Variants in SEM1 observed in about 807,000 individuals in gnomAD.
SEM1 encodes 26S proteasome complex subunit SEM1.
In SEM1, 3 loss-of-function variants were observed where a neutral mutation model predicts 12.7. The observed-to-expected ratio is 0.24, with a 90% confidence interval of 0.11 to 0.61. The LOEUF (loss-of-function observed/expected upper bound fraction) is 0.61. SEM1 is among the 20% of genes least tolerant of loss of function. The pLI is 0.88. For synonymous variants in SEM1, 30 were observed against 27.8 expected (o/e 1.08, Z -0.25); for missense variants, 59 against 81.3 (o/e 0.73, Z 1.06).
chr7:96,652,944 G>A (rs1584835810), intron 2 of SEM1, among the ~76,000 whole-genome samples: 1 of 152,174 alleles, frequency 6.6e-6, no homozygotes, highest in African/African-American at 2.4e-5. Flanking sequence ...ACAGCACCAT[G>A]GTTTTGGAGA....
intron 2 of SEM1, among the ~76,000 whole-genome samples, chr7:96,693,739 C>T (rs890402323): frequency 1.4e-5 from 2 of 146,594 alleles, no homozygotes; most frequent in African/African-American, 5.0e-5. Context: ...ATAGAATTAA[C>T]GTATGACCCA....
intron 2 of SEM1, among the ~76,000 whole-genome samples, chr7:96,675,088 C>G (rs1288487879): frequency 6.6e-6 from 1 of 151,802 alleles, no homozygotes; most frequent in African/African-American, 2.4e-5. Context: ...ATCCTGAACC[C>G]CACCCCACCC....
chr7:96,531,419 AAAAAAACAAC>A (rs1804637111), intron 2 of SEM1, among the ~76,000 whole-genome samples: 1 of 147,238 alleles, frequency 6.8e-6, no homozygotes, highest in Non-Finnish European at 1.5e-5. Flanking sequence ...AAATATAAAA[AAAAAAACAAC>A]AAAAAAAAAC....
intron 2 of SEM1, among the ~76,000 whole-genome samples, chr7:96,510,742 T>C (rs1803911466): frequency 6.6e-6 from 1 of 152,162 alleles, no homozygotes. Flanking sequence ...GCTTTTGAAG[T>C]TGATGCCTGA....
At chr7:96,526,505 G>C (rs1804468161) in intron 2 of SEM1, among the ~76,000 whole-genome samples, 1 of 152,034 alleles carries the variant, frequency 6.6e-6, no homozygotes, top group African/African-American at 2.4e-5. Context: ...AACTAAACCA[G>C]AAAGAAAAAG....
chr7:96,560,958 A>AT (rs1053261832), intron 2 of SEM1, among the ~76,000 whole-genome samples: 1 of 151,856 alleles, frequency 6.6e-6, no homozygotes, highest in African/African-American at 2.4e-5. Flanking sequence ...TTTAATTTTA[A>AT]TTTTTTAGAG....
exon 1 of SEM1, chr7:96,496,316 T>C (rs1023514046): frequency 6.6e-7 from 1 of 1,507,680 alleles, no homozygotes; most frequent in Non-Finnish European, 8.9e-7. Context: ...CAGAGCTGCA[T>C]AGCATCATCT....
At chr7:96,509,549 A>C (rs1803866721) in intron 2 of SEM1, among the ~76,000 whole-genome samples, 1 of 152,166 alleles carries the variant, frequency 6.6e-6, no homozygotes, top group Non-Finnish European at 1.5e-5. Flanking sequence ...CCTCATGTTC[A>C]AAATGCTAGA....
downstream of SEM1, among the ~76,000 whole-genome samples, chr7:96,668,948 C>T (rs1038934718): frequency 6.6e-6 from 1 of 152,120 alleles, no homozygotes; most frequent in Non-Finnish European, 1.5e-5. Flanking sequence ...AAGGCAGGGA[C>T]TGAAGTTATA....
intron 3 of SEM1, among the ~76,000 whole-genome samples, chr7:96,484,374 TC>T (rs900710361): frequency 3.3e-5 from 5 of 152,158 alleles, no homozygotes; most frequent in African/African-American, 1.2e-4. Context: ...CAAAGGCACA[TC>T]AAACTATGGC....
intron 2 of SEM1, among the ~76,000 whole-genome samples, chr7:96,667,701 G>T (rs934346419): frequency 6.6e-6 from 1 of 152,228 alleles, no homozygotes; most frequent in Non-Finnish European, 1.5e-5. Context: ...AAACCAAAAA[G>T]CCTGGATTCA....
chr7:96,628,362 T>C (rs1808139447), intron 2 of SEM1, among the ~76,000 whole-genome samples: 1 of 152,126 alleles, frequency 6.6e-6, no homozygotes, highest in Non-Finnish European at 1.5e-5. Context: ...TTTTTTCCTC[T>C]GGTGATATAA....
At chr7:96,704,072 C>T (rs958754350) in intron 1 of SEM1, among the ~76,000 whole-genome samples, 1 of 151,386 alleles carries the variant, frequency 6.6e-6, no homozygotes, top group Non-Finnish European at 1.5e-5. Flanking sequence ...GTTAAATAGA[C>T]TATTTAAGAT....
intron 2 of SEM1, among the ~76,000 whole-genome samples, chr7:96,655,081 T>C (rs1029880059): frequency 6.6e-6 from 1 of 152,176 alleles, no homozygotes; most frequent in African/African-American, 2.4e-5. Flanking sequence ...GCCAACTTCT[T>C]TTCAGGGAGG....
rs534042584 is a variant in SEM1 at position 96,536,095 on chromosome 7, C to A, written c.171-29397G>T. Among the ~76,000 whole-genome samples, 8 of 151,924 alleles carry A rather than the reference C, an allele frequency of 5.3e-5. No individual in the cohort carries two copies. The South Asian group carries it at 1.5e-3, about 28-fold the overall frequency. On this transcript the variant is annotated intron_variant and NMD_transcript_variant, in intron 2 of 3. Transcript: ENST00000466986. Reference sequence around the variant, plus strand: ...CCCACCAACAGTGTATAAGCATTCCCTTTTCTCTGCAACCTCATCAGCATC... The same window carrying A: ...CCCACCAACAGTGTATAAGCATTCCATTTTCTCTGCAACCTCATCAGCATC...
intron 2 of SEM1, among the ~76,000 whole-genome samples, chr7:96,613,538 T>TGAG (rs1807608580): frequency 6.6e-6 from 1 of 152,228 alleles, no homozygotes; most frequent in Non-Finnish European, 1.5e-5. Context: ...ATCATTTCTT[T>TGAG]GTGGTAATAC....
At chr7:96,581,122 T>G (rs566279906) in intron 2 of SEM1, among the ~76,000 whole-genome samples, 65 of 152,230 alleles carry the variant, frequency 4.3e-4, no homozygotes, top group Non-Finnish European at 7.8e-4. Flanking sequence ...TTTAAGTCTT[T>G]AATCCGTCTT....
At chr7:96,546,162 G>A (rs932247888) in intron 2 of SEM1, among the ~76,000 whole-genome samples, 1 of 152,074 alleles carries the variant, frequency 6.6e-6, no homozygotes, top group Admixed American at 6.6e-5. Context: ...GGCAAATTCA[G>A]ATAAAGAGAA....
chr7:96,493,501 G>T (rs1803111814), intron 1 of SEM1, among the ~76,000 whole-genome samples: 1 of 151,978 alleles, frequency 6.6e-6, no homozygotes, highest in Non-Finnish European at 1.5e-5. Flanking sequence ...TCAAGATTGG[G>T]TTATTTTCAT....
Sources: gnomAD v4.1 joint callset for allele counts (sites outside exome capture counted in the v4.1 genomes callset) on GRCh38, gnomAD v4.1.1 for gene constraint, MANE v1.5 for transcripts, NCBI Gene and HGNC (gene_info 2026-07-23, HGNC 2026-07-21) for gene names.